Variants in ZC3H12B observed in about 807,000 individuals in gnomAD.
The protein encoded by ZC3H12B is probable ribonuclease ZC3H12B.
ZC3H12B carries 7 observed loss-of-function variants against 43.9 expected under a neutral mutation model. That is an observed-to-expected ratio of 0.16 (90% confidence interval 0.09 to 0.30). ZC3H12B has a LOEUF of 0.30. Ranked by LOEUF, ZC3H12B falls within the 10% of genes least tolerant of loss-of-function variation. The pLI is 1.00. For synonymous variants in ZC3H12B, 222 were observed against 241.7 expected (o/e 0.92, Z 0.76); for missense variants, 475 against 670.2 (o/e 0.71, Z 3.22).
intron 3 of ZC3H12B, among the ~76,000 whole-genome samples, chrX:65,454,751 A>ACC (rs2067580819): frequency 9.0e-6 from 1 of 111,442 alleles, no homozygotes; most frequent in Admixed American, 9.5e-5. Context: ...CTGACACCTC[A>ACC]CATGGCCGGG....
At chrX:65,111,666 A>G in the ZC3H12B span, among the ~76,000 whole-genome samples, 1 of 110,265 alleles carries the variant, frequency 9.1e-6, no homozygotes, top group Non-Finnish European at 1.9e-5. Flanking sequence ...ACAATATTTC[A>G]ACCTTTTTCA....
At chrX:65,164,569 A>C in the ZC3H12B span, among the ~76,000 whole-genome samples, 585 of 111,822 alleles carry the variant, frequency 5.2e-3, 8 homozygotes, top group African/African-American at 0.018. Context: ...GAAGAGATTA[A>C]TATCTTTGTT....
the ZC3H12B span, among the ~76,000 whole-genome samples, chrX:65,118,215 G>A: frequency 8.9e-6 from 1 of 111,793 alleles, no homozygotes; most frequent in Non-Finnish European, 1.9e-5. Flanking sequence ...TCTTCCATTT[G>A]TTTGTGTCCT....
At chrX:65,373,377 C>T (rs2066274474) in intron 2 of ZC3H12B, among the ~76,000 whole-genome samples, 1 of 111,462 alleles carries the variant, frequency 9.0e-6, no homozygotes, top group Admixed American at 9.5e-5. Flanking sequence ...TTGATCCAGC[C>T]ATCCCATTAC....
At chrX:65,180,342 A>T in the ZC3H12B span, among the ~76,000 whole-genome samples, 2 of 112,226 alleles carry the variant, frequency 1.8e-5, no homozygotes, top group African/African-American at 3.2e-5. Flanking sequence ...CTAGGTATTG[A>T]TGGAACATAT....
At chrX:65,500,795 C>T (rs1211064277) in intron 4 of ZC3H12B, among the ~76,000 whole-genome samples, 1 of 109,900 alleles carries the variant, frequency 9.1e-6, no homozygotes, top group Non-Finnish European at 1.9e-5. Flanking sequence ...ATGCTCTTAC[C>T]CCAGTCCCTC....
chrX:65,425,338 G>A (rs774545633), intron 3 of ZC3H12B, among the ~76,000 whole-genome samples: 1 of 111,552 alleles, frequency 9.0e-6, no homozygotes, highest in Non-Finnish European at 1.9e-5. Context: ...CTTTGCTGAA[G>A]TTTCTTCTCA....
intron 3 of ZC3H12B, among the ~76,000 whole-genome samples, chrX:65,473,035 CAG>C (rs1237054282): frequency 3.0e-4 from 27 of 91,488 alleles, no homozygotes; most frequent in Non-Finnish European, 5.2e-4. Flanking sequence ...TTTTTTGAGA[CAG>C]AGTTTTACTC....
chrX:65,386,757 T>C (rs1205162623), intron 2 of ZC3H12B, among the ~76,000 whole-genome samples: 10 of 111,685 alleles, frequency 9.0e-5, no homozygotes, highest in African/African-American at 3.3e-4. Context: ...ATTTTGGATC[T>C]TTCCCGCTTT....
At chrX:65,449,374 A>T (rs1253162853) in intron 3 of ZC3H12B, among the ~76,000 whole-genome samples, 5 of 111,481 alleles carry the variant, frequency 4.5e-5, no homozygotes, top group Admixed American at 9.5e-5. Context: ...ATCCTAGCAC[A>T]TTGGGAGGCC....
At chrX:65,474,617 T>A (rs1355944793) in intron 3 of ZC3H12B, among the ~76,000 whole-genome samples, 4 of 111,429 alleles carry the variant, frequency 3.6e-5, no homozygotes, top group Middle Eastern at 4.6e-3. Flanking sequence ...TCCATATATT[T>A]TTTTTTTTTC....
chrX:65,224,753 C>A, the ZC3H12B span, among the ~76,000 whole-genome samples: 10 of 112,047 alleles, frequency 8.9e-5, no homozygotes, highest in Admixed American at 7.5e-4. Flanking sequence ...GTCCTAGGCC[C>A]ATGGAGTCTC....
chrX:65,038,619 A>G, the ZC3H12B span, among the ~76,000 whole-genome samples: 1 of 111,437 alleles, frequency 9.0e-6, no homozygotes, highest in Non-Finnish European at 1.9e-5. Context: ...ATTACCTCGT[A>G]TGTCAAATTG....
the ZC3H12B span, among the ~76,000 whole-genome samples, chrX:65,334,455 C>T: frequency 5.3e-5 from 6 of 112,245 alleles, no homozygotes; most frequent in South Asian, 3.6e-4. Flanking sequence ...ACACATTTCA[C>T]TTTCCTTGCA....
the ZC3H12B span, among the ~76,000 whole-genome samples, chrX:65,200,698 A>T: frequency 9.1e-6 from 1 of 110,190 alleles, no homozygotes; most frequent in Non-Finnish European, 1.9e-5. Context: ...AGCCTCCCAA[A>T]GTGCTGTGTT....
At chrX:65,125,983 G>A in the ZC3H12B span, among the ~76,000 whole-genome samples, 1 of 108,627 alleles carries the variant, frequency 9.2e-6, no homozygotes, top group Non-Finnish European at 1.9e-5. Context: ...TTAGTATTGA[G>A]ATATGAGGTA....
intron 3 of ZC3H12B, among the ~76,000 whole-genome samples, chrX:65,467,914 T>G (rs1298511894): frequency 8.9e-6 from 1 of 112,659 alleles, no homozygotes; most frequent in Non-Finnish European, 1.9e-5. Context: ...GGTTGTCTGC[T>G]TATTCTAATG....
the ZC3H12B span, among the ~76,000 whole-genome samples, chrX:65,215,052 C>T: frequency 9.0e-6 from 1 of 111,220 alleles, no homozygotes; most frequent in Non-Finnish European, 1.9e-5. Context: ...GTCCCAAAAA[C>T]GGGCTTAATA....
the ZC3H12B span, among the ~76,000 whole-genome samples, chrX:65,189,978 G>A: frequency 9.1e-6 from 1 of 110,053 alleles, no homozygotes; most frequent in Non-Finnish European, 1.9e-5. Context: ...TTTTGTATAA[G>A]GTGTAAGGAA....
Sources: allele counts gnomAD v4.1 joint callset (sites outside exome capture counted in the v4.1 genomes callset), GRCh38; gene constraint gnomAD v4.1.1; transcripts MANE v1.5; gene names NCBI Gene and HGNC (gene_info 2026-07-23, HGNC 2026-07-21).